CHMP6: variants seen among roughly 807,000 people sequenced by gnomAD.
CHMP6 encodes the protein chromatin-modifying protein 6.
CHMP6 carries 10 observed loss-of-function variants against 32.8 expected under a neutral mutation model. That is an observed-to-expected ratio of 0.30 (90% CI 0.19 to 0.52). CHMP6 has a LOEUF of 0.52. Ranked by LOEUF, CHMP6 falls within the 20% of genes least tolerant of loss-of-function variation. The pLI, the probability that CHMP6 is intolerant of heterozygous loss-of-function variation, is 0.97. For missense variants in CHMP6, 269 were observed against 263.8 expected, an observed-to-expected ratio of 1.02 and a Z score of -0.14; for synonymous variants, 123 against 105.8, an observed-to-expected ratio of 1.16 and a Z score of -1.00.
At chr17:80,994,397 G>A (rs1020548218) in intron 1 of CHMP6, among the ~76,000 whole-genome samples, 184 bp from the exon 2 acceptor site, 5 of 152,186 alleles carry the variant, frequency 3.3e-5, no homozygotes, top group African/African-American at 9.7e-5. Context: ...GCAGGATGTG[G>A]AGCTGAGTCC....
At chr17:80,998,621 A>T in intron 7 of CHMP6, 2 of 1,439,486 alleles carry the variant, frequency 1.4e-6, no homozygotes, top group Non-Finnish European at 1.8e-6. Flanking sequence ...GGGCAACCTC[A>T]TAAGAGAGCC....
In CHMP6 at chr17:80,995,698, C is replaced by A. The variant is rs148861093; in HGVS notation, c.288C>A (p.Ile96=). 2 of 1,613,936 alleles carry A rather than the reference C, an allele frequency of 1.2e-6. No homozygotes were observed. Among genetic ancestry groups the A allele is most frequent in the Non-Finnish European group, 1.7e-6 (2 of 1,179,968 alleles). The change falls in exon 4 of 8, where the codon ATC becomes ATA. Residue 96 remains isoleucine (I), a synonymous_variant. Coordinates refer to ENST00000325167, the MANE Select transcript of CHMP6 (RefSeq NM_024591.5). ...AMVQSIEFTQ[I]EMKVMEGLQF... is the part of the protein sequence containing the mutation. The stretch of plus-strand genomic sequence containing the variant: ...TTCAGAGTATTGAGTTCACCCAGAT[C>A]GAAATGAAAGTGATGGAGGGGCTGC...
intron 4 of CHMP6, among the ~76,000 whole-genome samples, chr17:80,996,506 G>C (rs1451912802): frequency 1.3e-5 from 2 of 152,222 alleles, no homozygotes. Flanking sequence ...AGGTCTGGCT[G>C]TGCTACTTTT....
intron 4 of CHMP6, 116 bp from the exon 5 acceptor site, chr17:80,996,885 TTAAAAA>T (rs2144150794): frequency 9.6e-7 from 1 of 1,040,240 alleles, no homozygotes; most frequent in African/African-American, 1.6e-5. Flanking sequence ...GACCTTGTCT[TTAAAAA>T]TAAATAAAAA....
intron 4 of CHMP6, 33 bp downstream of exon 4, chr17:80,995,791 G>A (rs776395763): frequency 4.4e-6 from 7 of 1,594,796 alleles, no homozygotes; most frequent in Non-Finnish European, 5.2e-6. Context: ...GCATGGAGGT[G>A]TGGGGAGCCC....
Position 80,995,065 on chromosome 17 carries a change from C to T in CHMP6, c.220C>T (p.Leu74=). 9 of 1,603,312 alleles carry T rather than the reference C, an allele frequency of 5.6e-6. No individual in the cohort carries two copies. Among genetic ancestry groups the T allele is most frequent in the Non-Finnish European group, 7.6e-6 (9 of 1,176,558 alleles). ...LKKKRYQEQL[L]DRTENQISSL... The stretch of plus-strand genomic sequence containing the variant: ...GAAGAAGCGATACCAGGAGCAGCTC[C>T]TGGACAGGACGGAGAACCAGATCAG... Residue 74 remains leucine (L), a synonymous_variant, in exon 3 of 8, where the codon CTG becomes TTG. Transcript: ENST00000325167.
intron 6 of CHMP6, 41 bp from the exon 7 acceptor site, chr17:80,998,325 A>T: frequency 1.2e-6 from 2 of 1,612,920 alleles, no homozygotes; most frequent in East Asian, 4.5e-5. Context: ...CCCGGGGCAG[A>T]CCTGTCACCT....
In CHMP6 at chr17:80,995,716, G is replaced by A. The variant is rs201476798; in HGVS notation, c.306G>A (p.Glu102=). Residue 102 remains glutamate, a synonymous_variant, in exon 4 of 8, where the codon GAG becomes GAA. Coordinates refer to ENST00000325167, the MANE Select transcript of CHMP6 (RefSeq NM_024591.5). ...EFTQIEMKVM[E]GLQFGNECLN... ...CCCAGATCGAAATGAAAGTGATGGA[G>A]GGGCTGCAGTTTGGAAATGAGTGTC... 1.9e-5 allele frequency: 30 copies of A among 1,614,154 alleles called. No homozygotes were observed. In the African/African-American group the frequency reaches 3.2e-4, roughly 17 times the overall value.
intron 6 of CHMP6, among the ~76,000 whole-genome samples, chr17:80,998,141 TG>T (rs1451325257): frequency 2.8e-4 from 42 of 152,256 alleles, no homozygotes; most frequent in African/African-American, 9.6e-4. Flanking sequence ...CAGGGTCTGT[TG>T]GGAGGAGCCT....
intron 4 of CHMP6, among the ~76,000 whole-genome samples, chr17:80,996,729 C>T (rs995224891): frequency 2.0e-5 from 3 of 152,204 alleles, no homozygotes; most frequent in Non-Finnish European, 2.9e-5. Context: ...ATCAAACGGC[C>T]CCTGTGGCCT....
At chr17:80,992,683 C>T (rs1030146573) in intron 1 of CHMP6, among the ~76,000 whole-genome samples, 1 of 152,160 alleles carries the variant, frequency 6.6e-6, no homozygotes, top group Admixed American at 6.5e-5. Context: ...ACAGCCGGGC[C>T]GGTGGTGGTG....
At chr17:80,997,447 T>G in intron 6 of CHMP6, 106 bp downstream of exon 6, 1 of 643,220 alleles carries the variant, frequency 1.6e-6, no homozygotes, top group Middle Eastern at 2.6e-4. Flanking sequence ...TGGTGTCCTT[T>G]AAGTAAATAG....
rs2069645686 is a variant in CHMP6 at position 80,997,255 on chromosome 17, T to C, written c.415-6T>C. The C allele has an allele frequency of 6.3e-7, 1 of 1,578,460 alleles. No individual in the cohort carries two copies. The highest frequency in any genetic ancestry group is 1.4e-5 in the African/African-American group (1 of 72,676). ...GCTGCTCTCACCACCGCCTGTCCTT[T>C]TGCAGCAAATAGACGAGCTCCTGGC... On this transcript the variant is annotated splice_region_variant and splice_polypyrimidine_tract_variant and intron_variant, in intron 5 of 7. Coordinates refer to ENST00000325167, the MANE Select transcript of CHMP6 (RefSeq NM_024591.5).
Position 80,997,129 on chromosome 17 carries a change from C to T in CHMP6, c.414+57C>T, listed in dbSNP as rs920097501. 19 of 1,606,396 alleles carry T rather than the reference C, an allele frequency of 1.2e-5. No homozygotes were observed. In the Middle Eastern group the frequency reaches 5.5e-4, roughly 47 times the overall value. ...CTGTGAGAACCCACAAGGCCACCCT[C>T]GAGGGCCAAACTGTCCCACATCCTA... is the stretch of plus-strand genomic sequence containing the variant. On this transcript the variant is annotated intron_variant, in intron 5 of 7. Coordinates refer to ENST00000325167, the MANE Select transcript of CHMP6 (RefSeq NM_024591.5).
chr17:80,995,940 G>A (rs2069634205), intron 4 of CHMP6, among the ~76,000 whole-genome samples, 182 bp downstream of exon 4: 1 of 152,126 alleles, frequency 6.6e-6, no homozygotes. Flanking sequence ...AGCACAGGCT[G>A]GGAACTGTGG....
At position 80,995,747 on chromosome 17, in the gene CHMP6, A is replaced by G. The variant is rs749930438; in HGVS notation, c.337A>G (p.Lys113Glu). ...GLQFGNECLN[K>E]MHQVMSIEEV... ...GCAGTTTGGAAATGAGTGTCTGAAC[A>G]AGATGCACCAGGTGAGTCTCTGCAG... Residue 113 changes from lysine (K) to glutamate (E), a missense_variant, in exon 4 of 8, where the codon AAG (lysine) becomes GAG (glutamate). Transcript: ENST00000325167. 6.2e-7 allele frequency: 1 copy of G among 1,613,996 alleles called. No individual in the cohort carries two copies. Among genetic ancestry groups the G allele is most frequent in the South Asian group, 1.1e-5 (1 of 91,084 alleles).
At position 80,992,147 on chromosome 17, in the gene CHMP6, C is replaced by T. The variant is rs576296919; in HGVS notation, c.63+166C>T. Among the ~76,000 whole-genome samples the T allele has an allele frequency of 1.5e-3, 226 of 151,564 alleles. 1 individual carries two copies. In the South Asian group the frequency reaches 0.021, roughly 14 times the overall value. Reference sequence around the variant, plus strand: ...CTCGGTCTCTCCGCCCTGCGTCCCTCCTCGCCCGCGGGGCCTCGGGCCGGG... The same window carrying T: ...CTCGGTCTCTCCGCCCTGCGTCCCTTCTCGCCCGCGGGGCCTCGGGCCGGG... On this transcript the variant is annotated intron_variant, in intron 1 of 7. Coordinates refer to ENST00000325167, the MANE Select transcript of CHMP6 (RefSeq NM_024591.5).
At position 80,998,385 on chromosome 17, in the gene CHMP6, A is replaced by G; in HGVS notation, c.515A>G (p.Glu172Gly). Residue 172 changes from glutamate to glycine, a missense_variant, in exon 7 of 8, where the codon GAG (glutamate) becomes GGG (glycine). Transcript: ENST00000325167. ...AITQEQIELP[E>G]VPSEPLPEKI... ...TTGCAGGAACAAATAGAGCTGCCAG[A>G]GGTTCCCTCCGAGCCCCTTCCTGAG... 2 of 1,614,204 alleles carry G rather than the reference A, an allele frequency of 1.2e-6. No homozygotes were observed. The highest frequency in any genetic ancestry group is 2.2e-5 in the South Asian group (2 of 91,082).
Position 80,991,935 on chromosome 17 carries a change from G to A in CHMP6, c.17G>A (p.Gly6Asp), listed in dbSNP as rs753720858. ...GGCGCCGCCATGGGTAACCTGTTCGGCCGCAAGAAGCAGAGCCGCGTCACG... is the reference window on the plus strand; with the variant it reads ...GGCGCCGCCATGGGTAACCTGTTCGACCGCAAGAAGCAGAGCCGCGTCACG... MGNLF[G>D]RKKQSRVTEQ... Residue 6 changes from glycine (G) to aspartate (D), a missense_variant, in exon 1 of 8, where the codon GGC becomes GAC. By Grantham distance (94) the Gly-to-Asp change is moderately conservative. Coordinates refer to ENST00000325167, the MANE Select transcript of CHMP6 (RefSeq NM_024591.5). 2 of 1,468,108 alleles carry A rather than the reference G, an allele frequency of 1.4e-6. No homozygotes were observed. The highest frequency in any genetic ancestry group is 1.8e-6 in the Non-Finnish European group (2 of 1,104,024). The allele number at this position is 1,468,108 out of a possible 1,614,324, so 90.9% of individuals were successfully genotyped here.
Sources: allele counts gnomAD v4.1 joint callset (sites outside exome capture counted in the v4.1 genomes callset), GRCh38; gene constraint gnomAD v4.1.1; transcripts MANE v1.5; gene names NCBI Gene and HGNC (gene_info 2026-07-23, HGNC 2026-07-21).